Variants in SYT1 observed in about 807,000 individuals in gnomAD.
The protein encoded by SYT1 is synaptotagmin 1.
A neutral mutation model predicts 44.8 loss-of-function variants in SYT1; 8 were observed. The ratio of observed to expected loss-of-function variants is 0.18; its 90% CI spans 0.10 to 0.32. The LOEUF is 0.32. Among genes scored for constraint, SYT1 ranks in the 10% least tolerant of loss-of-function variants. The probability of loss-of-function intolerance (pLI) is 1.00; values close to 1 mark genes in which losing one functional copy is unlikely to be tolerated. For synonymous variants in SYT1, 154 were observed against 188.8 expected (o/e 0.82, Z 1.51); for missense variants, 286 against 509.3 (o/e 0.56, Z 4.22).
intron 3 of SYT1, among the ~76,000 whole-genome samples, chr12:79,166,167 C>T (rs546573240): frequency 2.6e-5 from 4 of 152,098 alleles, no homozygotes; most frequent in South Asian, 2.1e-4. Context: ...AGCCATTAGA[C>T]CTGCTTTTGC....
chr12:79,192,049 C>T (rs750780992), intron 3 of SYT1, among the ~76,000 whole-genome samples: 38 of 152,122 alleles, frequency 2.5e-4, no homozygotes, highest in Non-Finnish European at 3.4e-4. Context: ...AGATGTGTAT[C>T]ATTAGCATTA....
intron 7 of SYT1, among the ~76,000 whole-genome samples, chr12:79,298,778 G>A (rs1163533388): frequency 1.3e-5 from 2 of 152,106 alleles, no homozygotes; most frequent in Non-Finnish European, 2.9e-5. Flanking sequence ...ATATTATAAT[G>A]CACCTCTTAT....
chr12:79,232,549 G>C (rs1875931731), intron 4 of SYT1, among the ~76,000 whole-genome samples: 1 of 152,102 alleles, frequency 6.6e-6, no homozygotes, highest in African/African-American at 2.4e-5. Context: ...ACTCCTTCTA[G>C]TTAGCCTTCA....
In SYT1 at chr12:79,164,558, A is replaced by G. The variant is rs1438171411; in HGVS notation, c.-17-52945A>G. On this transcript the variant is annotated intron_variant, in intron 3 of 10. Transcript: ENST00000261205. ...TAGAGCATGCCCAGAAAAAAACAAT[A>G]TAGAGAGAAATCCTTAGTAATTGCT... Among the ~76,000 whole-genome samples the G allele has an allele frequency of 2.6e-5, 4 of 152,090 alleles. No homozygotes were observed. In the East Asian group the frequency reaches 5.8e-4, roughly 22 times the overall value.
chr12:79,142,269 C>T (rs73150218), intron 3 of SYT1, among the ~76,000 whole-genome samples: 11,201 of 152,278 alleles, frequency 0.074, 575 homozygotes, highest in Non-Finnish European at 0.11. Context: ...GCCAGGTAAG[C>T]GTCTCACCTT....
chr12:79,339,557 T>A (rs1565915709), intron 8 of SYT1, among the ~76,000 whole-genome samples: 1 of 152,224 alleles, frequency 6.6e-6, no homozygotes, highest in Non-Finnish European at 1.5e-5. Flanking sequence ...TCTTTGTAGA[T>A]TCTGGAAATT....
intron 1 of SYT1, among the ~76,000 whole-genome samples, chr12:78,925,431 C>G (rs529845330): frequency 1.3e-5 from 2 of 151,960 alleles, no homozygotes; most frequent in African/African-American, 4.8e-5. Context: ...TGAGGTTCCC[C>G]CTAAGCTGTG....
At chr12:79,073,618 G>A (rs1231770326) in intron 3 of SYT1, among the ~76,000 whole-genome samples, 2 of 152,110 alleles carry the variant, frequency 1.3e-5, no homozygotes, top group African/African-American at 2.4e-5. Flanking sequence ...AATCCCTGAG[G>A]CAGAAGAATG....
intron 10 of SYT1, among the ~76,000 whole-genome samples, chr12:79,447,119 A>T (rs565734502): frequency 6.6e-6 from 1 of 152,172 alleles, no homozygotes. Flanking sequence ...ACAGACAGAA[A>T]CTATGCCCAA....
chr12:79,413,960 A>G (rs1276286729), intron 9 of SYT1, among the ~76,000 whole-genome samples: 1 of 152,214 alleles, frequency 6.6e-6, no homozygotes, highest in Non-Finnish European at 1.5e-5. Flanking sequence ...GAAGGCAAAT[A>G]TGCATTTTTT....
At chr12:78,930,486 A>G (rs563686004) in intron 1 of SYT1, among the ~76,000 whole-genome samples, 37 of 150,540 alleles carry the variant, frequency 2.5e-4, no homozygotes, top group East Asian at 7.8e-4. Context: ...AAAAGTTGGG[A>G]AAAAAAAATA....
intron 5 of SYT1, among the ~76,000 whole-genome samples, chr12:79,288,131 A>G (rs1469095523): frequency 1.3e-5 from 2 of 152,136 alleles, no homozygotes; most frequent in Non-Finnish European, 2.9e-5. Flanking sequence ...TGAAGCAGAC[A>G]AAAGTAGCTA....
intron 8 of SYT1, among the ~76,000 whole-genome samples, chr12:79,346,762 A>G (rs984890626): frequency 1.3e-5 from 2 of 152,202 alleles, no homozygotes; most frequent in Non-Finnish European, 2.9e-5. Context: ...CATCAGTGCT[A>G]TTTACAAAGC....
intron 3 of SYT1, among the ~76,000 whole-genome samples, chr12:79,124,895 G>C (rs1420049391): frequency 2.0e-5 from 3 of 151,972 alleles, no homozygotes; most frequent in African/African-American, 7.3e-5. Context: ...AGCTTCATTT[G>C]TTTCAAATGA....
At chr12:79,384,164 A>G (rs1173702320) in intron 9 of SYT1, among the ~76,000 whole-genome samples, 4 of 152,196 alleles carry the variant, frequency 2.6e-5, no homozygotes, top group African/African-American at 7.2e-5. Flanking sequence ...GCTGAACTAT[A>G]CAATAAACAA....
At chr12:79,039,878 T>C (rs1483172091) in intron 2 of SYT1, among the ~76,000 whole-genome samples, 2 of 143,394 alleles carry the variant, frequency 1.4e-5, no homozygotes, top group Non-Finnish European at 3.0e-5. Context: ...CGGTGTTTGG[T>C]TTTTTGTTCT....
chr12:78,959,218 T>C (rs901735980), intron 1 of SYT1, among the ~76,000 whole-genome samples: 23 of 152,134 alleles, frequency 1.5e-4, no homozygotes, highest in African/African-American at 5.1e-4. Context: ...AAATACAGCA[T>C]GTATATACGT....
chr12:78,981,418 G>T (rs1198736801), intron 2 of SYT1, among the ~76,000 whole-genome samples: 1 of 152,132 alleles, frequency 6.6e-6, no homozygotes, highest in Non-Finnish European at 1.5e-5. Context: ...GAGCCACCAT[G>T]AGCAGCCTTA....
intron 1 of SYT1, among the ~76,000 whole-genome samples, chr12:78,959,936 CAAAT>C (rs1314482922): frequency 1.3e-5 from 2 of 152,212 alleles, no homozygotes; most frequent in East Asian, 3.9e-4. Flanking sequence ...TATCAGTAAA[CAAAT>C]AAACACTACT....
Sources: gnomAD v4.1 joint callset for allele counts (sites outside exome capture counted in the v4.1 genomes callset) on GRCh38, gnomAD v4.1.1 for gene constraint, MANE v1.5 for transcripts, NCBI Gene and HGNC (gene_info 2026-07-23, HGNC 2026-07-21) for gene names.